The following SGTB variants were observed in gnomAD, a reference collection of about 807,000 sequenced individuals.
SGTB encodes small glutamine rich tetratricopeptide repeat co-chaperone beta.
In SGTB, 19 loss-of-function variants were observed where a neutral mutation model predicts 43.9. That is an observed-to-expected ratio of 0.43 (90% CI 0.30 to 0.63). SGTB has a LOEUF of 0.63. Ranked by LOEUF, SGTB falls within the 30% of genes least tolerant of loss-of-function variation. The probability of loss-of-function intolerance (pLI) is 0.12; values close to 1 mark genes in which losing one functional copy is unlikely to be tolerated. For synonymous variants in SGTB, 116 were observed against 117.3 expected (o/e 0.99, Z 0.07); for missense variants, 304 against 358.9 (o/e 0.85, Z 1.24).
At chr5:65,672,368 T>G (rs1470765263) in intron 8 of SGTB, 87 bp from the exon 9 acceptor site, 1 of 1,507,044 alleles carries the variant, frequency 6.6e-7, no homozygotes, top group African/African-American at 1.4e-5. Flanking sequence ...GAATGAAAGC[T>G]AAATCATGTA....
In SGTB at chr5:65,666,292, T is replaced by C. The variant is rs570631037; in HGVS notation, c.*3954A>G. ...TTATAAACAATAACTTACACATATTTTTCATAGTTTTAAGTAAAGATTAAA... is the reference window on the plus strand; with the variant it reads ...TTATAAACAATAACTTACACATATTCTTCATAGTTTTAAGTAAAGATTAAA... On this transcript the variant is annotated 3_prime_UTR_variant, in exon 11 of 11. Coordinates refer to ENST00000381007, the MANE Select transcript of SGTB (RefSeq NM_019072.3). 4 of 152,292 alleles carry C rather than the reference T, an allele frequency of 2.6e-5. No homozygotes were observed. In the East Asian group the frequency reaches 7.7e-4, roughly 29 times the overall value. 9.4% of individuals were successfully genotyped at this position (152,292 alleles called of 1,614,324 possible).
At chr5:65,693,501 TAGAG>T (rs762375327) in intron 5 of SGTB, among the ~76,000 whole-genome samples, 2 of 152,088 alleles carry the variant, frequency 1.3e-5, no homozygotes, top group African/African-American at 2.4e-5. Context: ...AACATACATA[TAGAG>T]AGAGATGTTC....
At chr5:65,677,454 T>C (rs1269656389) in intron 8 of SGTB, among the ~76,000 whole-genome samples, 2 of 151,510 alleles carry the variant, frequency 1.3e-5, no homozygotes, top group African/African-American at 2.4e-5. Context: ...TTCTAAAAAA[T>C]TGAAAAGGAG....
chr5:65,673,341 G>A (rs1335101164), intron 8 of SGTB, among the ~76,000 whole-genome samples: 1 of 152,156 alleles, frequency 6.6e-6, no homozygotes, highest in Non-Finnish European at 1.5e-5. Flanking sequence ...GTTTCCTATA[G>A]TAGCGGTCCC....
chr5:65,722,281 T>A, upstream of SGTB: 3 of 1,010,230 alleles, frequency 3.0e-6, no homozygotes, highest in Non-Finnish European at 2.8e-6. Flanking sequence ...CTAGGCCGGC[T>A]CGAGACTCCC....
Position 65,667,727 on chromosome 5 carries a change from A to G in SGTB, c.*2519T>C, listed in dbSNP as rs542234401. 2.4e-4 allele frequency: 36 copies of G among 152,300 alleles called. No homozygotes were observed. The highest frequency in any genetic ancestry group is 8.7e-4 in the African/African-American group (36 of 41,558). The allele number at this position is 152,300 out of a possible 1,614,324, so 9.4% of individuals were successfully genotyped here. A position where few individuals can be genotyped will look rare whatever the true frequency, so the allele number is the denominator to read the frequency against. On this transcript the variant is annotated 3_prime_UTR_variant, in exon 11 of 11. Coordinates refer to ENST00000381007, the MANE Select transcript of SGTB (RefSeq NM_019072.3). ...AAATTAGAGTCCTTGGATCTGTATC[A>G]AAACCACCTAGTGTACTGTTTAAAA...
chr5:65,688,929 C>T (rs1229454260), intron 5 of SGTB, among the ~76,000 whole-genome samples: 1 of 152,206 alleles, frequency 6.6e-6, no homozygotes, highest in East Asian at 1.9e-4. Context: ...CCTGCCTCAG[C>T]CTCCCAAGTA....
intron 4 of SGTB, 129 bp from the exon 5 acceptor site, chr5:65,704,507 G>A (rs1757892540): frequency 1.7e-6 from 1 of 589,436 alleles, no homozygotes; most frequent in Non-Finnish European, 2.7e-6. Context: ...CAGTCACACT[G>A]GAAAAAATTT....
intron 2 of SGTB, among the ~76,000 whole-genome samples, chr5:65,714,577 G>T (rs1023301715): frequency 6.6e-6 from 1 of 152,178 alleles, no homozygotes; most frequent in South Asian, 2.1e-4. Context: ...CACTTTGGGA[G>T]GCTGAGGCAG....
Position 65,686,531 on chromosome 5 carries a change from TC to T in SGTB, c.375-1060del, listed in dbSNP as rs796468260. ...TACCCACATTTGTTTTTTTTTTTTT[TC>T]CTTTTTGTAGCAAACATGGTCTCGC... is the stretch of plus-strand genomic sequence containing the variant. On this transcript the variant is annotated intron_variant, in intron 5 of 10. Coordinates refer to ENST00000381007, the MANE Select transcript of SGTB (RefSeq NM_019072.3). 3.3e-3 allele frequency among the ~76,000 whole-genome samples: 502 copies of T among 151,520 alleles called. 4 individuals carry two copies. Among genetic ancestry groups the T allele is most frequent in the African/African-American group, 0.011 (457 of 41,112 alleles).
At position 65,706,050 on chromosome 5, in the gene SGTB, T is replaced by A. The variant is rs1579879663; in HGVS notation, c.275-1672A>T. Among the ~76,000 whole-genome samples, 7 of 151,882 alleles carry A rather than the reference T, an allele frequency of 4.6e-5. No homozygotes were observed. In the East Asian group the frequency reaches 9.7e-4, roughly 21 times the overall value. On this transcript the variant is annotated intron_variant, in intron 4 of 10. Coordinates refer to ENST00000381007, the MANE Select transcript of SGTB (RefSeq NM_019072.3). ...GACCCTGTCTCAAGAAAAAAAAAAA[T>A]TTCTATAATTGATTATGGTAATGGC...
At chr5:65,692,908 T>C (rs1436344450) in intron 5 of SGTB, among the ~76,000 whole-genome samples, 2 of 151,974 alleles carry the variant, frequency 1.3e-5, no homozygotes, top group Non-Finnish European at 2.9e-5. Context: ...TATACCCCAA[T>C]AGAAAGACAA....
chr5:65,710,820 C>T (rs552512548), intron 3 of SGTB, among the ~76,000 whole-genome samples: 2 of 151,980 alleles, frequency 1.3e-5, no homozygotes, highest in East Asian at 3.9e-4. Flanking sequence ...GGAAACCCCG[C>T]CTCTACTAAA....
At chr5:65,704,490 G>C (rs574670425) in intron 4 of SGTB, 112 bp from the exon 5 acceptor site, 1 of 749,276 alleles carries the variant, frequency 1.3e-6, no homozygotes, top group Admixed American at 3.8e-5. Context: ...TCGGCCTCAT[G>C]ATTTTTCAGT....
At chr5:65,711,651 T>A (rs933415642) in intron 3 of SGTB, among the ~76,000 whole-genome samples, 1 of 152,234 alleles carries the variant, frequency 6.6e-6, no homozygotes, top group Admixed American at 6.5e-5. Context: ...TGTCATACAA[T>A]AAGAATTCAT....
At chr5:65,717,055 T>C (rs1184712858) in intron 2 of SGTB, among the ~76,000 whole-genome samples, 1 of 152,072 alleles carries the variant, frequency 6.6e-6, no homozygotes, top group East Asian at 1.9e-4. Flanking sequence ...GTGGGGGTCA[T>C]TTCATGAGGA....
chr5:65,722,241 C>T (rs1437884215), upstream of SGTB: 5 of 527,990 alleles, frequency 9.5e-6, no homozygotes, highest in Non-Finnish European at 1.5e-5. Flanking sequence ...TGGGAGGGCG[C>T]TGGCCAGGCA....
upstream of SGTB, chr5:65,722,345 C>G (rs1417657721): frequency 3.9e-6 from 6 of 1,539,696 alleles, no homozygotes; most frequent in African/African-American, 1.4e-5. Flanking sequence ...GGACCACGCG[C>G]CCGCCGCCGC....
At chr5:65,710,601 C>T (rs1001295731) in intron 3 of SGTB, among the ~76,000 whole-genome samples, 18 of 152,256 alleles carry the variant, frequency 1.2e-4, no homozygotes, top group Middle Eastern at 3.4e-3. Context: ...TTAATTACAA[C>T]AATCGTCATG....
Sources: allele counts gnomAD v4.1 joint callset (sites outside exome capture counted in the v4.1 genomes callset), GRCh38; gene constraint gnomAD v4.1.1; transcripts MANE v1.5; gene names NCBI Gene and HGNC (gene_info 2026-07-23, HGNC 2026-07-21).